The following COL6A3 variants were observed in gnomAD, a reference collection of about 807,000 sequenced individuals.
The protein encoded by COL6A3 is collagen alpha-3(VI) chain.
COL6A3 carries 137 observed loss-of-function variants against 274.1 expected under a neutral mutation model. The observed-to-expected ratio is 0.50, with a 90% confidence interval of 0.44 to 0.58. The LOEUF is 0.58. Ranked by LOEUF, COL6A3 falls within the 20% of genes least tolerant of loss-of-function variation. The pLI, the probability that COL6A3 is intolerant of heterozygous loss-of-function variation, is 0.00. For missense variants in COL6A3, 3,950 were observed against 4,124.9 expected (o/e 0.96, Z 1.16); for synonymous variants, 1,650 against 1,650.6 (o/e 1.00, Z 0.01).
Position 237,374,369 on chromosome 2 carries a change from A to T in COL6A3, c.3679+43T>A. ...GCCCACAGTCCAGACAAGTAGCCCC[A>T]GACAATGACACTGAGTGAGGATGCA... On this transcript the variant is annotated intron_variant, in intron 8 of 43. Transcript: ENST00000295550. This position sits in a 1 kb window ranked among gnomAD's most constrained non-coding sequence, Gnocchi z 4.8. 1.9e-6 allele frequency: 3 copies of T among 1,605,324 alleles called. No individual in the cohort carries two copies. The highest frequency in any genetic ancestry group is 2.5e-6 in the Non-Finnish European group (3 of 1,179,752).
Position 237,377,022 on chromosome 2 carries a change from C to T in COL6A3, c.2820G>A (p.Val940=). 8.1e-6 allele frequency: 13 copies of T among 1,614,208 alleles called. No individual in the cohort carries two copies. Among genetic ancestry groups the T allele is most frequent in the Non-Finnish European group, 1.1e-5 (13 of 1,180,048 alleles). Residue 940 remains valine, a synonymous_variant, in exon 7 of 44, where the codon GTG becomes GTA. Transcript: ENST00000295550. ...KSAGSRIEDG[V]LQFLVLLVAG... ...CGACCAGCAGCACCAGGAACTGAAG[C>T]ACTCCATCCTCGATCCGGCTGCCAG...
chr2:237,332,960 A>G (rs1193208640), intron 42 of COL6A3: 1 of 217,024 alleles, frequency 4.6e-6, no homozygotes, highest in Non-Finnish European at 9.4e-6. Context: ...ACAGTATCAC[A>G]GACTCACACA....
Position 237,371,821 on chromosome 2 carries a change from C to T in COL6A3, c.4196G>A (p.Ser1399Asn). 1 of 1,613,784 alleles carries T rather than the reference C, an allele frequency of 6.2e-7. No individual in the cohort carries two copies. Among genetic ancestry groups the T allele is most frequent in the Non-Finnish European group, 8.5e-7 (1 of 1,180,018 alleles). ...GGGCGTCAGCAGTTTCTGCTCCAGG[C>T]TGGGCAGCTCCCGGAAGGTGCTCAC... ...FSVSTFRELP[S>N]LEQKLLTPIT... Residue 1399 changes from serine (S) to asparagine (N), a missense_variant, in exon 9 of 44, where the codon AGC becomes AAC. By Grantham distance (46) the Ser-to-Asn change is conservative (BLOSUM62 1). Around this residue, in one of 5 missense-constraint regions of COL6A3, gnomAD observed 1,934 missense variants for 1,984.3 expected, o/e 0.97. Transcript: ENST00000295550. The surrounding 1 kb of genome is among the most constrained non-coding windows in gnomAD (Gnocchi z 4.3).
At position 237,374,686 on chromosome 2, in the gene COL6A3, C is replaced by G; in HGVS notation, c.3405G>C (p.Leu1135=). 1 of 1,613,818 alleles carries G rather than the reference C, an allele frequency of 6.2e-7. No individual in the cohort carries two copies. Among genetic ancestry groups the G allele is most frequent in the Non-Finnish European group, 8.5e-7 (1 of 1,179,782 alleles). ...ACCTGTCGGCCGTGAGGACGATCAG[C>G]AGCTGGGGCACACCTTCTGTTATCC... is the stretch of plus-strand genomic sequence containing the variant. ...GSRITEGVPQ[L]LIVLTADRSG... The change falls in exon 8 of 44, where the codon CTG becomes CTC. Residue 1135 remains leucine, a synonymous_variant. Coordinates refer to ENST00000295550, the MANE Select transcript of COL6A3 (RefSeq NM_004369.4). The surrounding 1 kb of genome is among the most constrained non-coding windows in gnomAD (Gnocchi z 4.8).
In COL6A3 at chr2:237,394,748, C is replaced by T. The variant is rs756062149; in HGVS notation, c.548G>A (p.Gly183Glu). 3.1e-6 allele frequency: 5 copies of T among 1,614,082 alleles called. No homozygotes were observed. The highest frequency in any genetic ancestry group is 4.2e-6 in the Non-Finnish European group (5 of 1,180,048). The change falls in exon 3 of 44, where the codon GGA becomes GAA. Residue 183 changes from glycine to glutamate, a missense_variant. Physicochemically the swap from Gly to Glu is moderately conservative, Grantham distance 98. This residue lies in a region of COL6A3 where 1,934 missense variants were observed against 1,984.3 expected (regional missense o/e 0.97). Coordinates refer to ENST00000295550, the MANE Select transcript of COL6A3 (RefSeq NM_004369.4). ...FAIGVEDADE[G>E]ALKEIASEPL... The stretch of plus-strand genomic sequence containing the variant: ...TTCACTTGCTATTTCTTTTAACGCT[C>T]CTTCATCTGCATCCTCAACTCCAAT...
chr2:237,327,962 C>T (rs542014208), intron 42 of COL6A3: 1 of 152,270 alleles, frequency 6.6e-6, no homozygotes, highest in African/African-American at 2.4e-5. Context: ...CATCTTTTCC[C>T]TCTGAAATCA....
At position 237,336,150 on chromosome 2, in the gene COL6A3, T is replaced by C; in HGVS notation, c.8950A>G (p.Thr2984Ala). 6.2e-7 allele frequency: 1 copy of C among 1,613,470 alleles called. No homozygotes were observed. Among genetic ancestry groups the C allele is most frequent in the Non-Finnish European group, 8.5e-7 (1 of 1,180,008 alleles). The change falls in exon 40 of 44, where the codon ACC (threonine) becomes GCC (alanine). Residue 2984 changes from threonine to alanine, a missense_variant. Around this residue, in one of 5 missense-constraint regions of COL6A3, gnomAD observed 1,284 missense variants for 1,349.7 expected, o/e 0.95. Coordinates refer to ENST00000295550, the MANE Select transcript of COL6A3 (RefSeq NM_004369.4). ...AAKPAATKPATTKPMVKMSRE... is the reference protein window; with the variant it reads ...AAKPAATKPAATKPMVKMSRE... The stretch of plus-strand genomic sequence containing the variant: ...GCTTTCTTACCCATGGGCTTAGTGG[T>C]GGCTGGCTTGGTGGCAGCTGGTTTG...
intron 1 of COL6A3, among the ~76,000 whole-genome samples, chr2:237,412,941 T>G (rs1273493863): frequency 6.6e-6 from 1 of 152,128 alleles, no homozygotes; most frequent in Non-Finnish European, 1.5e-5. Context: ...CGAAACTGGC[T>G]CCTGGGGCTT....
intron 39 of COL6A3, among the ~76,000 whole-genome samples, chr2:237,337,821 C>T (rs11894734): frequency 0.029 from 4,421 of 152,314 alleles, 200 homozygotes; most frequent in African/African-American, 0.099. Flanking sequence ...GCATGAAACA[C>T]GGCACATGGG....
rs112181324 is a variant in COL6A3, at chr2:237,371,900, C to T, written c.4117G>A (p.Ala1373Thr). Residue 1373 changes from alanine (A) to threonine (T), a missense_variant, in exon 9 of 44, where the codon GCA (alanine) becomes ACA (threonine). Coordinates refer to ENST00000295550, the MANE Select transcript of COL6A3 (RefSeq NM_004369.4). The surrounding 1 kb of genome is among the most constrained non-coding windows in gnomAD (Gnocchi z 4.3). ...GVAPFTIARNADQEELVKISL... is the reference protein window; with the variant it reads ...GVAPFTIARNTDQEELVKISL... ...ATCTTCACCAGCTCCTCCTGGTCTG[C>T]GTTCCTGGCGATCGTGAAAGGGGCC... 965 of 1,613,852 alleles carry T rather than the reference C, an allele frequency of 6.0e-4. 1 individual carries two copies. Among genetic ancestry groups the T allele is most frequent in the Middle Eastern group, 3.5e-3 (21 of 6,062 alleles).
chr2:237,396,619 G>T lies in COL6A3; in HGVS notation c.91+108C>A, dbSNP rs1285253640. The T allele has an allele frequency of 6.2e-6, 7 of 1,127,554 alleles. No homozygotes were observed. The Admixed American group carries it at 8.5e-5, about 14-fold the overall frequency. The allele number at this position is 1,127,554 out of a possible 1,614,324, so 69.8% of individuals were successfully genotyped here. A position where few individuals can be genotyped will look rare whatever the true frequency, so the allele number is the denominator to read the frequency against. The stretch of plus-strand genomic sequence containing the variant: ...TGACTATCCTATAATAAATGGCTTA[G>T]CTACCTTAAGAACATATCTAAGCTC... On this transcript the variant is annotated intron_variant, in intron 2 of 43. Transcript: ENST00000295550.
rs1286232156 is a variant in COL6A3 at position 237,387,735 on chromosome 2, C to A, written c.1159G>T (p.Ala387Ser). 2 of 1,613,950 alleles carry A rather than the reference C, an allele frequency of 1.2e-6. No homozygotes were observed. The highest frequency in any genetic ancestry group is 2.7e-5 in the African/African-American group (2 of 74,916). The change falls in exon 4 of 44, where the codon GCA (alanine) becomes TCA (serine). Residue 387 changes from alanine to serine, a missense_variant. Coordinates refer to ENST00000295550, the MANE Select transcript of COL6A3 (RefSeq NM_004369.4). ...TCGGTAGCTATGTGCTGAAGCTCTG[C>A]CCTGGAGGCGGCCTGGGCTCCAAGG... ...FGLGAQAASR[A>S]ELQHIATDDN...
chr2:237,363,054 C>A (rs1011444672), intron 14 of COL6A3, among the ~76,000 whole-genome samples, 199 bp downstream of exon 14: 3 of 152,072 alleles, frequency 2.0e-5, no homozygotes, highest in Non-Finnish European at 4.4e-5. Context: ...GGATTTCCAG[C>A]GATTTGCTAT....
At chr2:237,373,828 C>A (rs989131769) in intron 8 of COL6A3, among the ~76,000 whole-genome samples, 1 of 152,094 alleles carries the variant, frequency 6.6e-6, no homozygotes. Context: ...TTGTACCAGG[C>A]CTAGAAAGAG....
intron 1 of COL6A3, among the ~76,000 whole-genome samples, chr2:237,402,301 G>A (rs1186481516): frequency 1.3e-5 from 2 of 152,104 alleles, no homozygotes; most frequent in East Asian, 3.9e-4. Context: ...ATAGATATTT[G>A]TTGTAGCACA....
rs764027352 is a variant in COL6A3, at chr2:237,351,193, C to T, written c.6754-1G>A. 2 of 1,614,140 alleles carry T rather than the reference C, an allele frequency of 1.2e-6. No homozygotes were observed. Among genetic ancestry groups the T allele is most frequent in the Non-Finnish European group, 8.5e-7 (1 of 1,179,966 alleles). On this transcript the variant is annotated splice_acceptor_variant, in intron 26 of 43. Coordinates refer to ENST00000295550, the MANE Select transcript of COL6A3 (RefSeq NM_004369.4). LOFTEE classifies it high-confidence loss of function. Reference sequence around the variant, plus strand: ...GAGCACCAGCGGCACCTCCGCTTCCCTGGAGCAGGAGGGGAGGAATGTGTC... The same window carrying T: ...GAGCACCAGCGGCACCTCCGCTTCCTTGGAGCAGGAGGGGAGGAATGTGTC...
intron 1 of COL6A3, among the ~76,000 whole-genome samples, chr2:237,412,407 C>G (rs1463560747): frequency 6.6e-6 from 1 of 152,214 alleles, no homozygotes; most frequent in Non-Finnish European, 1.5e-5. Context: ...TTGGGATCCT[C>G]CGTCACTGGC....
At chr2:237,403,039 C>G (rs1382120178) in intron 1 of COL6A3, among the ~76,000 whole-genome samples, 1 of 152,178 alleles carries the variant, frequency 6.6e-6, no homozygotes, top group Non-Finnish European at 1.5e-5. Context: ...AATGGAGCAG[C>G]AGACTAGTGT....
rs1469602226 is a variant in COL6A3, at chr2:237,336,381, G to A, written c.8719C>T (p.Pro2907Ser). 6.2e-7 allele frequency: 1 copy of A among 1,614,254 alleles called. No homozygotes were observed. The highest frequency in any genetic ancestry group is 2.2e-5 in the East Asian group (1 of 44,892). The change falls in exon 40 of 44, where the codon CCA becomes TCA. Residue 2907 changes from proline to serine, a missense_variant. By Grantham distance (74) the Pro-to-Ser change is moderately conservative. Around this residue, in one of 5 missense-constraint regions of COL6A3, gnomAD observed 1,284 missense variants for 1,349.7 expected, o/e 0.95. Transcript: ENST00000295550. Reference protein sequence around the residue: ...VTIINQPSVKPAAAKPAPAKP... With the variant: ...VTIINQPSVKSAAAKPAPAKP... The stretch of plus-strand genomic sequence containing the variant: ...GCAGGGGCCGGCTTTGCAGCGGCTG[G>A]CTTCACAGATGGCTGATTTATAATA...
Sources: gnomAD v4.1 joint callset for allele counts (sites outside exome capture counted in the v4.1 genomes callset) on GRCh38, gnomAD v4.1.1 for gene constraint, gnomAD v4.1.1 regional missense constraint, Gnocchi (gnomAD v3.1) non-coding constraint, MANE v1.5 for transcripts, NCBI Gene and HGNC (gene_info 2026-07-23, HGNC 2026-07-21) for gene names.